HS3ST5: variants seen among roughly 807,000 people sequenced by gnomAD.
The protein encoded by HS3ST5 is heparan sulfate-glucosamine 3-sulfotransferase 5, also known as heparan sulfate glucosamine 3-O-sulfotransferase 5.
A neutral mutation model predicts 25.4 loss-of-function variants in HS3ST5; 10 were observed. The ratio of observed to expected loss-of-function variants is 0.39; its 90% CI spans 0.24 to 0.67. HS3ST5 has a LOEUF of 0.67. Ranked by LOEUF, HS3ST5 falls within the 30% of genes least tolerant of loss-of-function variation. HS3ST5 has a pLI of 0.44. For synonymous variants in HS3ST5, 170 were observed against 162.4 expected, an observed-to-expected ratio of 1.05 and a Z score of -0.36; for missense variants, 324 against 420.7, an observed-to-expected ratio of 0.77 and a Z score of 2.01.
At chr6:114,154,594 T>TACCA (rs1274575571) in intron 3 of HS3ST5, among the ~76,000 whole-genome samples, 2 of 152,192 alleles carry the variant, frequency 1.3e-5, no homozygotes. Flanking sequence ...GAGGGGCTTG[T>TACCA]ACCAGCCTGT....
intron 3 of HS3ST5, among the ~76,000 whole-genome samples, chr6:114,068,770 C>G (rs530458877): frequency 1.3e-5 from 2 of 152,144 alleles, no homozygotes; most frequent in East Asian, 3.9e-4. Flanking sequence ...ATAAAAAATG[C>G]TTGAAGACCT....
chr6:114,142,238 G>C (rs952554693), intron 3 of HS3ST5, among the ~76,000 whole-genome samples: 4 of 152,102 alleles, frequency 2.6e-5, no homozygotes, highest in Non-Finnish European at 5.9e-5. Context: ...GGGATATGAG[G>C]AGCATGCATT....
intron 1 of HS3ST5, among the ~76,000 whole-genome samples, chr6:114,243,069 A>G (rs1200413784): frequency 6.6e-6 from 1 of 152,126 alleles, no homozygotes; most frequent in Non-Finnish European, 1.5e-5. Context: ...AGGATGAGAG[A>G]TATGTAGAGC....
intron 2 of HS3ST5, among the ~76,000 whole-genome samples, chr6:114,181,918 A>G (rs116922626): frequency 0.024 from 3,693 of 152,188 alleles, 66 homozygotes; most frequent in Non-Finnish European, 0.038. Flanking sequence ...GCACGCACAC[A>G]CACGTAGACT....
At chr6:114,128,535 T>C (rs1562207830) in intron 3 of HS3ST5, among the ~76,000 whole-genome samples, 1 of 152,088 alleles carries the variant, frequency 6.6e-6, no homozygotes, top group Non-Finnish European at 1.5e-5. Context: ...GTAGAAACGA[T>C]CTCAGAGAAA....
At chr6:114,243,961 G>A (rs1772262093) in intron 1 of HS3ST5, among the ~76,000 whole-genome samples, 1 of 152,188 alleles carries the variant, frequency 6.6e-6, no homozygotes, top group Admixed American at 6.5e-5. Context: ...CGATAGAAGT[G>A]GAATTATAGG....
chr6:114,068,291 C>T (rs1408119830), intron 3 of HS3ST5, among the ~76,000 whole-genome samples: 1 of 152,046 alleles, frequency 6.6e-6, no homozygotes, highest in Non-Finnish European at 1.5e-5. Flanking sequence ...GGATGCCAAG[C>T]CAGAAGTTTC....
chr6:114,181,359 A>C (rs1779960762), intron 2 of HS3ST5, among the ~76,000 whole-genome samples: 1 of 152,214 alleles, frequency 6.6e-6, no homozygotes, highest in African/African-American at 2.4e-5. Flanking sequence ...TCATAGATAC[A>C]ATGTGGCTTA....
chr6:114,166,715 CTAGATT>C (rs1250881874), intron 3 of HS3ST5, among the ~76,000 whole-genome samples: 1 of 152,032 alleles, frequency 6.6e-6, no homozygotes, highest in Non-Finnish European at 1.5e-5. Context: ...ACTGAGTCAC[CTAGATT>C]TAAAATACCC....
At chr6:114,061,070 A>G (rs904651822) in intron 4 of HS3ST5, among the ~76,000 whole-genome samples, 49 of 152,206 alleles carry the variant, frequency 3.2e-4, no homozygotes, top group African/African-American at 1.1e-3. Flanking sequence ...GCTTTTAGAA[A>G]GCCCACCAAA....
At chr6:114,103,706 T>TA (rs1775845779) in intron 3 of HS3ST5, among the ~76,000 whole-genome samples, 1 of 146,658 alleles carries the variant, frequency 6.8e-6, no homozygotes, top group Non-Finnish European at 1.5e-5. Context: ...TCTTCTTCTT[T>TA]TTTTTTTTTT....
At chr6:114,105,716 C>A (rs1230362023) in intron 3 of HS3ST5, among the ~76,000 whole-genome samples, 1 of 152,130 alleles carries the variant, frequency 6.6e-6, no homozygotes, top group Non-Finnish European at 1.5e-5. Flanking sequence ...TAATAACTAA[C>A]TGATCAAATT....
At position 114,265,178 on chromosome 6, in the gene HS3ST5, C is replaced by T. The variant is rs868120301; in HGVS notation, c.-338-36400G>A. On this transcript the variant is annotated intron_variant, in intron 1 of 4. Transcript: ENST00000312719. ...GGAATTACAGGTTTAAGCCACCTCCCGGCCAGGAAGAATTGTTAGTAAGGC... is the reference window on the plus strand; with the variant it reads ...GGAATTACAGGTTTAAGCCACCTCCTGGCCAGGAAGAATTGTTAGTAAGGC... Among the ~76,000 whole-genome samples, 6 of 152,230 alleles carry T rather than the reference C, an allele frequency of 3.9e-5. No individual in the cohort carries two copies. The South Asian group carries it at 6.2e-4, about 16-fold the overall frequency.
intron 3 of HS3ST5, among the ~76,000 whole-genome samples, chr6:114,092,005 A>T (rs1419082907): frequency 6.6e-6 from 1 of 152,124 alleles, no homozygotes; most frequent in Non-Finnish European, 1.5e-5. Context: ...TCAAACTCTC[A>T]CTCAGTTAAA....
At chr6:114,130,214 A>G (rs1290392681) in intron 3 of HS3ST5, among the ~76,000 whole-genome samples, 1 of 152,234 alleles carries the variant, frequency 6.6e-6, no homozygotes, top group Non-Finnish European at 1.5e-5. Flanking sequence ...ACAACCTTCA[A>G]CTGTTCAATG....
At chr6:114,319,005 C>T (rs565460447) in intron 1 of HS3ST5, among the ~76,000 whole-genome samples, 1 of 151,198 alleles carries the variant, frequency 6.6e-6, no homozygotes, top group African/African-American at 2.4e-5. Context: ...TATTTGTTTG[C>T]AAAAAACAAA....
At chr6:114,338,286 C>T (rs1369454626) in intron 1 of HS3ST5, among the ~76,000 whole-genome samples, 1 of 131,070 alleles carries the variant, frequency 7.6e-6, no homozygotes, top group African/African-American at 2.6e-5. Context: ...TACATATGTA[C>T]AATGTATATA....
At chr6:114,325,209 A>T (rs1190571678) in intron 1 of HS3ST5, among the ~76,000 whole-genome samples, 2 of 152,178 alleles carry the variant, frequency 1.3e-5, no homozygotes, top group Non-Finnish European at 2.9e-5. Flanking sequence ...ACTTGGTCTT[A>T]AGACCAAGAC....
intron 3 of HS3ST5, among the ~76,000 whole-genome samples, chr6:114,138,728 G>T (rs1437324468): frequency 6.6e-6 from 1 of 152,176 alleles, no homozygotes; most frequent in Non-Finnish European, 1.5e-5. Context: ...ACATGAATGT[G>T]AATTCCACCA....
Sources: allele counts gnomAD v4.1 joint callset (sites outside exome capture counted in the v4.1 genomes callset), GRCh38; gene constraint gnomAD v4.1.1; transcripts MANE v1.5; gene names NCBI Gene and HGNC (gene_info 2026-07-23, HGNC 2026-07-21).